DENND2B: variants seen among roughly 807,000 people sequenced by gnomAD.
The protein encoded by DENND2B is DENN domain-containing protein 2B.
DENND2B carries 32 observed loss-of-function variants against 116.0 expected under a neutral mutation model. The observed-to-expected ratio is 0.28, with a 90% CI of 0.21 to 0.37. The LOEUF (loss-of-function observed/expected upper bound fraction) is 0.37. Ranked by LOEUF, DENND2B falls within the 10% of genes least tolerant of loss-of-function variation. DENND2B has a pLI of 1.00. For missense variants in DENND2B, 1,276 were observed against 1,477.7 expected (o/e 0.86, Z 2.24); for synonymous variants, 588 against 583.9 (o/e 1.01, Z -0.10).
intron 4 of DENND2B, among the ~76,000 whole-genome samples, chr11:8,838,994 A>G (rs1444270332): frequency 6.6e-6 from 1 of 152,250 alleles, no homozygotes; most frequent in East Asian, 1.9e-4. Flanking sequence ...CCCAGCACCA[A>G]GGTCTGAACT....
intron 16 of DENND2B, 89 bp from the exon 17 acceptor site, chr11:8,697,725 A>G: frequency 2.4e-6 from 2 of 828,348 alleles, no homozygotes; most frequent in Non-Finnish European, 4.2e-6. Flanking sequence ...GTGAGTAGAT[A>G]ATCTCATTTA....
In DENND2B at chr11:8,710,814, G is replaced by A. The variant is rs761892353; in HGVS notation, c.2352+31C>T. The A allele has an allele frequency of 1.9e-6, 3 of 1,601,592 alleles. 1 individual carries two copies. In the South Asian group the frequency reaches 3.3e-5, roughly 18 times the overall value. On this transcript the variant is annotated intron_variant, in intron 11 of 19. Coordinates refer to ENST00000313726, the MANE Select transcript of DENND2B (RefSeq NM_213618.2). ...ACACACCCTGGCCTATCCCCTGCCT[G>A]CTGGCCTGAGGACCGAATGGCCTCA...
chr11:8,845,518 T>G lies in DENND2B; in HGVS notation c.-155-6168A>C, dbSNP rs146162410. Among the ~76,000 whole-genome samples, 8 of 152,384 alleles carry G rather than the reference T, an allele frequency of 5.2e-5. No individual in the cohort carries two copies. In the East Asian group the frequency reaches 1.5e-3, roughly 29 times the overall value. On this transcript the variant is annotated intron_variant, in intron 3 of 6. Transcript: ENST00000524757. ...CCATCTGACTTAGAAAAGGATTTGC[T>G]ACTCACAGTCATTCACTTTCCTAAT...
chr11:8,729,845 C>T (rs1022846910), intron 3 of DENND2B, 105 bp downstream of exon 3: 7 of 1,424,862 alleles, frequency 4.9e-6, no homozygotes, highest in Middle Eastern at 2.5e-4. Context: ...TCAGAGCTTA[C>T]GAAGCACTAA....
intron 1 of DENND2B, among the ~76,000 whole-genome samples, chr11:8,909,380 AGAAG>A (rs1396001026): frequency 6.6e-6 from 1 of 151,896 alleles, no homozygotes; most frequent in Non-Finnish European, 1.5e-5. Flanking sequence ...TAAACAAAAA[AGAAG>A]AAGAAGGAAG....
chr11:8,876,323 A>T (rs2063840705), upstream of DENND2B, among the ~76,000 whole-genome samples: 1 of 152,176 alleles, frequency 6.6e-6, no homozygotes, highest in Admixed American at 6.5e-5. Flanking sequence ...TTAAAAATAA[A>T]TTATTCATTT....
chr11:8,697,405 A>G (rs1295929167), intron 17 of DENND2B, 120 bp downstream of exon 17: 3 of 730,800 alleles, frequency 4.1e-6, no homozygotes, highest in African/African-American at 1.8e-5. Context: ...AGTGAGACCA[A>G]GGTCCTCATC....
intron 1 of DENND2B, among the ~76,000 whole-genome samples, chr11:8,901,233 T>TCTTTTC (rs201151899): frequency 0.067 from 6,910 of 103,384 alleles, 200 homozygotes; most frequent in South Asian, 0.21. Flanking sequence ...TCTTTTCTTT[T>TCTTTTC]TTTTTTTTTT....
In DENND2B at chr11:8,693,475, G is replaced by A. The variant is rs1026681509; in HGVS notation, c.*621C>T. On this transcript the variant is annotated 3_prime_UTR_variant, in exon 20 of 20. Coordinates refer to ENST00000313726, the MANE Select transcript of DENND2B (RefSeq NM_213618.2). ...AGGCCCAGAGAGCACTGGCAGAGCT[G>A]GGGGTGGGCTTCCCATGACACACTG... 1.3e-5 allele frequency: 2 copies of A among 152,832 alleles called. No individual in the cohort carries two copies. The highest frequency in any genetic ancestry group is 4.8e-5 in the African/African-American group (2 of 41,438). 9.5% of individuals were successfully genotyped at this position (152,832 alleles called of 1,614,324 possible). A position where few individuals can be genotyped will look rare whatever the true frequency, so the allele number is the denominator to read the frequency against.
chr11:8,873,155 A>G (rs998265269), upstream of DENND2B, among the ~76,000 whole-genome samples: 1 of 152,212 alleles, frequency 6.6e-6, no homozygotes, highest in African/African-American at 2.4e-5. Context: ...CAAAACTATT[A>G]GAACCTCTAC....
intron 4 of DENND2B, among the ~76,000 whole-genome samples, chr11:8,834,581 C>A (rs1255847759): frequency 6.6e-6 from 1 of 152,216 alleles, no homozygotes; most frequent in African/African-American, 2.4e-5. Context: ...AGGCATGGCA[C>A]ATTCCAGCTC....
In DENND2B at chr11:8,707,196, C is replaced by A. The variant is rs926103161; in HGVS notation, c.2460G>T (p.Gly820=). 1 of 1,613,016 alleles carries A rather than the reference C, an allele frequency of 6.2e-7. No individual in the cohort carries two copies. Among genetic ancestry groups the A allele is most frequent in the African/African-American group, 1.3e-5 (1 of 74,928 alleles). The change falls in exon 13 of 20, where the codon GGG becomes GGT. Residue 820 remains glycine, a synonymous_variant. Transcript: ENST00000313726. The surrounding 1 kb of genome is among the most constrained non-coding windows in gnomAD (Gnocchi z 4.8). Reference sequence around the variant, plus strand: ...AAGGATAGACCAATGCAGCGGAGATCCCACGCCGGCGCTCCACCTCATCTA... The same window carrying A: ...AAGGATAGACCAATGCAGCGGAGATACCACGCCGGCGCTCCACCTCATCTA... The part of the protein sequence containing the change: ...KVLDEVERRR[G]ISAALVYPFM...
At chr11:8,825,716 T>C (rs554710854) in intron 4 of DENND2B, among the ~76,000 whole-genome samples, 2 of 152,152 alleles carry the variant, frequency 1.3e-5, no homozygotes, top group African/African-American at 4.8e-5. Flanking sequence ...ATGAAATTTT[T>C]AAAGGGTAAA....
intron 1 of DENND2B, among the ~76,000 whole-genome samples, chr11:8,886,713 C>T (rs1489249301): frequency 6.6e-6 from 1 of 151,840 alleles, no homozygotes; most frequent in African/African-American, 2.4e-5. Flanking sequence ...TTTTAACATA[C>T]ATGAACATCA....
intron 1 of DENND2B, among the ~76,000 whole-genome samples, chr11:8,881,512 A>G (rs1258186701): frequency 2.6e-5 from 4 of 152,020 alleles, no homozygotes; most frequent in African/African-American, 4.8e-5. Flanking sequence ...ATGATTTTTT[A>G]ATTTCCAAAT....
chr11:8,773,010 G>C (rs2057157736), intron 1 of DENND2B, among the ~76,000 whole-genome samples: 1 of 152,082 alleles, frequency 6.6e-6, no homozygotes, highest in Admixed American at 6.5e-5. Flanking sequence ...CTGAGTTTTA[G>C]TGCCAGTGCT....
intron 1 of DENND2B, among the ~76,000 whole-genome samples, chr11:8,798,174 C>T (rs548265740): frequency 6.6e-6 from 1 of 152,216 alleles, no homozygotes; most frequent in African/African-American, 2.4e-5. Flanking sequence ...CCACTCACTA[C>T]ACGTCAAGCT....
chr11:8,727,460 C>A (rs575274045), intron 3 of DENND2B, among the ~76,000 whole-genome samples: 1 of 152,314 alleles, frequency 6.6e-6, no homozygotes, highest in East Asian at 1.9e-4. Context: ...ACTCTCTGGC[C>A]ACTACTTTTC....
At chr11:8,697,866 C>G in intron 16 of DENND2B, 1 of 555,516 alleles carries the variant, frequency 1.8e-6, no homozygotes, top group South Asian at 1.9e-5. Context: ...CAGTGGCTCA[C>G]GCCAGTAATC....
Sources: gnomAD v4.1 joint callset for allele counts (sites outside exome capture counted in the v4.1 genomes callset) on GRCh38, gnomAD v4.1.1 for gene constraint, Gnocchi (gnomAD v3.1) non-coding constraint, MANE v1.5 for transcripts, NCBI Gene and HGNC (gene_info 2026-07-23, HGNC 2026-07-21) for gene names.